DPP6: variants seen among roughly 807,000 people sequenced by gnomAD.
The protein encoded by DPP6 is A-type potassium channel modulatory protein DPP6.
Under a neutral mutation model 122.6 loss-of-function variants are expected in DPP6, and 69 were observed. That is an observed-to-expected ratio of 0.56 (90% CI 0.46 to 0.69). The LOEUF is 0.69. DPP6 is among the 30% of genes least tolerant of loss of function. DPP6 has a pLI of 0.00. For missense variants in DPP6, 928 were observed against 1,116.9 expected (o/e 0.83, Z 2.41); for synonymous variants, 418 against 433.1 (o/e 0.97, Z 0.43).
chr7:154,075,864 C>G (rs1340739660), intron 1 of DPP6, among the ~76,000 whole-genome samples: 1 of 150,142 alleles, frequency 6.7e-6, no homozygotes, highest in Non-Finnish European at 1.5e-5. Flanking sequence ...GACAATAACT[C>G]TCAACTGTAC....
At chr7:154,244,499 G>A (rs1309973980) in intron 1 of DPP6, among the ~76,000 whole-genome samples, 1 of 152,100 alleles carries the variant, frequency 6.6e-6, no homozygotes, top group Non-Finnish European at 1.5e-5. Context: ...ATCTATGTGT[G>A]TTTGTTTCTT....
chr7:154,102,606 A>G (rs895014881), intron 1 of DPP6, among the ~76,000 whole-genome samples: 5 of 152,130 alleles, frequency 3.3e-5, no homozygotes, highest in Non-Finnish European at 7.3e-5. Flanking sequence ...CCTCAGCTTG[A>G]GTGTGAAAAA....
At chr7:153,863,701 A>G in the DPP6 span, among the ~76,000 whole-genome samples, 1 of 152,126 alleles carries the variant, frequency 6.6e-6, no homozygotes, top group Non-Finnish European at 1.5e-5. Flanking sequence ...AAGAAACCTT[A>G]TGCATATTAG....
At chr7:153,918,936 G>GCCACT (rs1453244012) in intron 1 of DPP6, among the ~76,000 whole-genome samples, 17 of 133,258 alleles carry the variant, frequency 1.3e-4, no homozygotes, top group African/African-American at 4.9e-4. Context: ...CCGAGATCAT[G>GCCACT]CCACTGCACT....
At chr7:154,431,307 C>T (rs1037140939) in intron 1 of DPP6, among the ~76,000 whole-genome samples, 2 of 152,120 alleles carry the variant, frequency 1.3e-5, no homozygotes, top group East Asian at 1.9e-4. Flanking sequence ...TGCTTCCCTG[C>T]GCCACTCCCC....
chr7:154,063,411 GC>G (rs1563159638), intron 1 of DPP6, among the ~76,000 whole-genome samples: 2 of 119,572 alleles, frequency 1.7e-5, no homozygotes, highest in African/African-American at 6.3e-5. Flanking sequence ...CCCCTCTTCC[GC>G]CCCTGGCTGT....
chr7:153,985,234 T>G (rs1434311711), intron 1 of DPP6, among the ~76,000 whole-genome samples: 3 of 152,036 alleles, frequency 2.0e-5, no homozygotes, highest in Admixed American at 2.0e-4. Context: ...GAGGGAGAGG[T>G]GAGACACTTT....
At chr7:154,523,280 A>G (rs1222490563) in intron 3 of DPP6, among the ~76,000 whole-genome samples, 1 of 152,240 alleles carries the variant, frequency 6.6e-6, no homozygotes, top group African/African-American at 2.4e-5. Context: ...AGTAGAAAAC[A>G]TATTTCAGTG....
At chr7:153,931,432 G>C (rs946625344) in intron 1 of DPP6, among the ~76,000 whole-genome samples, 6 of 152,280 alleles carry the variant, frequency 3.9e-5, no homozygotes, top group South Asian at 4.1e-4. Flanking sequence ...TACCATGATG[G>C]TGAATGAGAC....
At chr7:154,576,348 A>C (rs985070472) in intron 5 of DPP6, among the ~76,000 whole-genome samples, 3 of 152,150 alleles carry the variant, frequency 2.0e-5, no homozygotes, top group African/African-American at 7.2e-5. Context: ...CACTCTGCCC[A>C]ACCACGATGA....
chr7:154,753,295 G>A (rs531777797), intron 8 of DPP6, among the ~76,000 whole-genome samples: 1 of 152,208 alleles, frequency 6.6e-6, no homozygotes, highest in African/African-American at 2.4e-5. Flanking sequence ...AGGGTGCCCG[G>A]TGACCCTTCC....
intron 3 of DPP6, among the ~76,000 whole-genome samples, chr7:154,523,057 C>T (rs1456251213): frequency 6.6e-6 from 1 of 152,148 alleles, no homozygotes; most frequent in Admixed American, 6.5e-5. Flanking sequence ...CGAGTCATTC[C>T]CAAGTGGTGC....
intron 3 of DPP6, among the ~76,000 whole-genome samples, chr7:154,530,433 A>G (rs541610260): frequency 6.6e-6 from 1 of 152,294 alleles, no homozygotes; most frequent in Non-Finnish European, 1.5e-5. Flanking sequence ...AATCAAAACC[A>G]TAATGAGACA....
At position 153,908,757 on chromosome 7, in the gene DPP6, A is replaced by AT. The variant is rs914502929; in HGVS notation, c.51+21030dup. Among the ~76,000 whole-genome samples, 19 of 152,016 alleles carry AT rather than the reference A, an allele frequency of 1.2e-4. 1 individual carries two copies. The highest frequency in any genetic ancestry group is 2.5e-4 in the Non-Finnish European group (17 of 67,934). On this transcript the variant is annotated intron_variant, in intron 1 of 25. Transcript: ENST00000404039. ...ATGGTCACATGTTGAATTTATTTTT[A>AT]TTTTTTTACTTTTTTGAGACAGAGT... is the stretch of plus-strand genomic sequence containing the variant.
chr7:153,921,479 A>G (rs1338476617), intron 1 of DPP6, among the ~76,000 whole-genome samples: 1 of 152,248 alleles, frequency 6.6e-6, no homozygotes, highest in Admixed American at 6.5e-5. Flanking sequence ...CATAACTCAT[A>G]ACATTTTTGA....
chr7:153,752,003 A>G, the DPP6 span, among the ~76,000 whole-genome samples: 4 of 152,158 alleles, frequency 2.6e-5, no homozygotes, highest in African/African-American at 9.7e-5. Context: ...TTGGGATCCT[A>G]AGGTACCAGT....
intron 1 of DPP6, among the ~76,000 whole-genome samples, chr7:154,009,516 G>A (rs1284239835): frequency 6.6e-6 from 1 of 151,398 alleles, no homozygotes; most frequent in Non-Finnish European, 1.5e-5. Flanking sequence ...GGAACCCAGA[G>A]CCCTGCCTGG....
chr7:154,228,669 A>G (rs1346967955), intron 1 of DPP6, among the ~76,000 whole-genome samples: 1 of 152,060 alleles, frequency 6.6e-6, no homozygotes, highest in Non-Finnish European at 1.5e-5. Flanking sequence ...ATGATTTTTT[A>G]ATAATATATA....
intron 1 of DPP6, among the ~76,000 whole-genome samples, chr7:153,926,304 T>A (rs1800897780): frequency 6.6e-6 from 1 of 152,214 alleles, no homozygotes; most frequent in South Asian, 2.1e-4. Flanking sequence ...GATTACAAAA[T>A]TCTTGAAATC....
Sources: gnomAD v4.1 joint callset for allele counts (sites outside exome capture counted in the v4.1 genomes callset) on GRCh38, gnomAD v4.1.1 for gene constraint, MANE v1.5 for transcripts, NCBI Gene and HGNC (gene_info 2026-07-23, HGNC 2026-07-21) for gene names.